The following GPR26 variants were observed in gnomAD, a reference collection of about 807,000 sequenced individuals.
GPR26 encodes the protein G protein-coupled receptor 26.
GPR26 carries 15 observed loss-of-function variants against 23.1 expected under a neutral mutation model. That is an observed-to-expected ratio of 0.65 (90% CI 0.43 to 1.00). GPR26 has a LOEUF of 1.00. Ranked by LOEUF, GPR26 falls within the 50% of genes least tolerant of loss-of-function variation. GPR26 has a pLI of 0.00. For missense variants in GPR26, 359 were observed against 470.5 expected, an observed-to-expected ratio of 0.76 and a Z score of 2.19; for synonymous variants, 228 against 222.1, an observed-to-expected ratio of 1.03 and a Z score of -0.24.
chr10:123,677,429 C>T (rs1845322611), intron 2 of GPR26, among the ~76,000 whole-genome samples: 1 of 152,182 alleles, frequency 6.6e-6, no homozygotes. Flanking sequence ...CGCCGGGCCC[C>T]ACTGCCACCA....
At position 123,696,012 on chromosome 10, in the gene GPR26, A is replaced by G. The variant is rs1418221042; in HGVS notation, c.*7852A>G. Among the ~76,000 whole-genome samples the G allele has an allele frequency of 6.6e-6, 1 of 152,174 alleles. No individual in the cohort carries two copies. On this transcript the variant is annotated 3_prime_UTR_variant, in exon 3 of 3. Transcript: ENST00000284674. ...CATTACCACCTGGGGTGGTTTTTCT[A>G]GACACCAGAATAGGCCAGATTTAAT...
chr10:123,671,529 C>A (rs972626650), intron 1 of GPR26, among the ~76,000 whole-genome samples: 1 of 152,206 alleles, frequency 6.6e-6, no homozygotes, highest in African/African-American at 2.4e-5. Context: ...CTCCCTCCCC[C>A]ACTCAGCCAC....
chr10:123,686,819 G>T (rs1845434985), intron 2 of GPR26, among the ~76,000 whole-genome samples: 1 of 152,174 alleles, frequency 6.6e-6, no homozygotes, highest in Non-Finnish European at 1.5e-5. Flanking sequence ...CCACTGACTT[G>T]CTGTGTGATA....
At chr10:123,685,601 T>C (rs1035812198) in intron 2 of GPR26, among the ~76,000 whole-genome samples, 1 of 152,212 alleles carries the variant, frequency 6.6e-6, no homozygotes, top group Non-Finnish European at 1.5e-5. Flanking sequence ...ACATTGGCTT[T>C]TCAAAGCAGA....
chr10:123,675,664 A>C (rs1845296175), intron 2 of GPR26, among the ~76,000 whole-genome samples: 2 of 152,180 alleles, frequency 1.3e-5, no homozygotes, highest in African/African-American at 4.8e-5. Flanking sequence ...GGAAAATAAA[A>C]ACTCCAGAAC....
In GPR26 at chr10:123,695,088, C is replaced by T. The variant is rs1288914693; in HGVS notation, c.*6928C>T. On this transcript the variant is annotated 3_prime_UTR_variant, in exon 3 of 3. Transcript: ENST00000284674. ...TGCTACTTGGCAATTCAATCACCCT[C>T]CCTTCACTCCCACACCTATCTCCGG... Among the ~76,000 whole-genome samples the T allele has an allele frequency of 6.6e-6, 1 of 152,242 alleles. No homozygotes were observed. The highest frequency in any genetic ancestry group is 1.5e-5 in the Non-Finnish European group (1 of 68,038).
intron 2 of GPR26, among the ~76,000 whole-genome samples, chr10:123,676,054 G>T (rs979338615): frequency 2.0e-5 from 3 of 152,146 alleles, no homozygotes; most frequent in Non-Finnish European, 4.4e-5. Context: ...AGCATGATTT[G>T]CTCTGGCCTC....
At chr10:123,686,472 G>A (rs1473937144) in intron 2 of GPR26, among the ~76,000 whole-genome samples, 1 of 152,220 alleles carries the variant, frequency 6.6e-6, no homozygotes, top group Non-Finnish European at 1.5e-5. Flanking sequence ...AAGGTAGACA[G>A]TGGTGCTGAA....
rs57381429 is a variant in GPR26 at position 123,688,195 on chromosome 10, G to A, written c.*35G>A. The stretch of plus-strand genomic sequence containing the variant: ...CTCCTGCTGAAGAGTTTAGAATGAG[G>A]CAGCGGTGAGAAGAAGGGTGGGAGG... On this transcript the variant is annotated 3_prime_UTR_variant, in exon 3 of 3. Transcript: ENST00000284674. 2,429 of 848,730 alleles carry A rather than the reference G, an allele frequency of 2.9e-3. 35 individuals are homozygous for A. The African/African-American group carries it at 0.032, about 11-fold the overall frequency. The allele number at this position is 848,730 out of a possible 1,614,324, so 52.6% of individuals were successfully genotyped here.
intron 1 of GPR26, among the ~76,000 whole-genome samples, chr10:123,670,019 A>C (rs1173612986): frequency 6.6e-6 from 1 of 152,164 alleles, no homozygotes; most frequent in Admixed American, 6.5e-5. Flanking sequence ...GGTGGGCCCC[A>C]GGGTATGGTT....
At chr10:123,686,023 T>A (rs1041714690) in intron 2 of GPR26, among the ~76,000 whole-genome samples, 1 of 152,214 alleles carries the variant, frequency 6.6e-6, no homozygotes, top group African/African-American at 2.4e-5. Flanking sequence ...GGAAATGCAA[T>A]AGATTTTACC....
chr10:123,675,488 G>A (rs1845293959), intron 2 of GPR26, among the ~76,000 whole-genome samples: 1 of 152,122 alleles, frequency 6.6e-6, no homozygotes, highest in Non-Finnish European at 1.5e-5. Flanking sequence ...GAGGCTTGTT[G>A]TGTTCTCTAC....
At position 123,697,078 on chromosome 10, in the gene GPR26, T is replaced by C. The variant is rs1845553304; in HGVS notation, c.*8918T>C. Among the ~76,000 whole-genome samples the C allele has an allele frequency of 6.6e-6, 1 of 152,270 alleles. No homozygotes were observed. On this transcript the variant is annotated 3_prime_UTR_variant, in exon 3 of 3. Transcript: ENST00000284674. The stretch of plus-strand genomic sequence containing the variant: ...AGCAAAAGTTTAGCATCCTCTCATG[T>C]GTGTCAACATTGTAGTTTTACATTT...
chr10:123,686,617 CT>C (rs1845432890), intron 2 of GPR26, among the ~76,000 whole-genome samples: 1 of 152,194 alleles, frequency 6.6e-6, no homozygotes. Flanking sequence ...CCAAAGAAGG[CT>C]TAAGTATAAC....
At chr10:123,670,361 A>G (rs1008990522) in intron 1 of GPR26, among the ~76,000 whole-genome samples, 5 of 152,194 alleles carry the variant, frequency 3.3e-5, no homozygotes, top group African/African-American at 1.2e-4. Context: ...CAGATCTAGA[A>G]AGTGTCTCAA....
rs189113745 is a variant in GPR26, at chr10:123,690,689, A to G, written c.*2529A>G. On this transcript the variant is annotated 3_prime_UTR_variant, in exon 3 of 3. Transcript: ENST00000284674. Reference sequence around the variant, plus strand: ...CCAAGGGAAAGTGAGAAGAAAATTAATGTATTAGCAACCAGTGTTAGCCAA... The same window carrying G: ...CCAAGGGAAAGTGAGAAGAAAATTAGTGTATTAGCAACCAGTGTTAGCCAA... The G allele has an allele frequency of 2.0e-5, 3 of 152,368 alleles. No homozygotes were observed. Among genetic ancestry groups the G allele is most frequent in the African/African-American group, 7.2e-5 (3 of 41,582 alleles). 9.4% of individuals were successfully genotyped at this position (152,368 alleles called of 1,614,324 possible). A position where few individuals can be genotyped will look rare whatever the true frequency, so the allele number is the denominator to read the frequency against.
chr10:123,677,957 A>AT (rs1279729158), intron 2 of GPR26, among the ~76,000 whole-genome samples: 2 of 152,074 alleles, frequency 1.3e-5, no homozygotes, highest in South Asian at 2.1e-4. Flanking sequence ...AAATTAATAC[A>AT]TTTTTGGCCA....
chr10:123,674,703 G>A lies in GPR26; in HGVS notation c.669-115G>A, dbSNP rs913620313. 13 of 656,242 alleles carry A rather than the reference G, an allele frequency of 2.0e-5. No individual in the cohort carries two copies. The highest frequency in any genetic ancestry group is 7.2e-5 in the African/African-American group (4 of 55,276). 40.7% of individuals were successfully genotyped at this position (656,242 alleles called of 1,614,324 possible). A position where few individuals can be genotyped will look rare whatever the true frequency, so the allele number is the denominator to read the frequency against. The stretch of plus-strand genomic sequence containing the variant: ...CCAAGAGTTGACGCTGGGTCTTTCC[G>A]ACTCCATAGTCAAGTTCTCACACTA... On this transcript the variant is annotated intron_variant, in intron 1 of 2. Transcript: ENST00000284674. The surrounding 1 kb of genome is among the most constrained non-coding windows in gnomAD (Gnocchi z 4.1).
In GPR26 at chr10:123,688,100, C is replaced by G; in HGVS notation, c.954C>G (p.Ile318Met). ...ACAGGCTCCTGCACAGACGCTCCAT[C>G]CACTCCTCTGGCCTCACAGGCGACT... is the stretch of plus-strand genomic sequence containing the variant. ...ILNRLLHRRS[I>M]HSSGLTGDSH... is the part of the protein sequence containing the mutation. The change falls in exon 3 of 3, where the codon ATC (isoleucine) becomes ATG (methionine). Residue 318 changes from isoleucine (I) to methionine (M), a missense_variant. Transcript: ENST00000284674. 2 of 1,613,920 alleles carry G rather than the reference C, an allele frequency of 1.2e-6. No homozygotes were observed. Among genetic ancestry groups the G allele is most frequent in the Non-Finnish European group, 1.7e-6 (2 of 1,179,990 alleles).
Sources: allele counts gnomAD v4.1 joint callset (sites outside exome capture counted in the v4.1 genomes callset), GRCh38; gene constraint gnomAD v4.1.1; non-coding constraint Gnocchi (gnomAD v3.1); transcripts MANE v1.5; gene names NCBI Gene and HGNC (gene_info 2026-07-23, HGNC 2026-07-21).